The following ADA2 variants were observed in gnomAD, a reference collection of about 807,000 sequenced individuals.
ADA2 encodes the protein adenosine deaminase 2.
In ADA2, 29 loss-of-function variants were observed where a neutral mutation model predicts 44.2. The observed-to-expected ratio is 0.66, with a 90% CI of 0.49 to 0.89. The LOEUF (loss-of-function observed/expected upper bound fraction) is 0.89, where lower values mean the gene tolerates loss of function less well. Among genes scored for constraint, ADA2 ranks in the 40% least tolerant of loss-of-function variants. The pLI is 0.00. For missense variants in ADA2, 637 were observed against 644.8 expected, an observed-to-expected ratio of 0.99 and a Z score of 0.13; for synonymous variants, 215 against 234.9, an observed-to-expected ratio of 0.92 and a Z score of 0.77.
At chr22:17,188,484 G>A (rs781617794) in intron 6 of ADA2, 37 bp from the exon 7 acceptor site, 18 of 1,456,876 alleles carry the variant, frequency 1.2e-5, no homozygotes, top group South Asian at 6.8e-5. Context: ...TGTCTGCAGG[G>A]CGCATGCCTC....
At chr22:17,212,871 G>A (rs1008275762) in intron 1 of ADA2, among the ~76,000 whole-genome samples, 2 of 150,894 alleles carry the variant, frequency 1.3e-5, no homozygotes, top group Non-Finnish European at 1.5e-5. Flanking sequence ...TCCAAAGCTC[G>A]CTGCAGCGGC....
intron 3 of ADA2, among the ~76,000 whole-genome samples, chr22:17,205,489 A>T (rs2062344276): frequency 6.6e-6 from 1 of 152,144 alleles, no homozygotes; most frequent in East Asian, 1.9e-4. Flanking sequence ...AGGTTAATGA[A>T]GGGAGTGGAA....
intron 7 of ADA2, among the ~76,000 whole-genome samples, chr22:17,184,983 A>ATATATATATATAT (rs559045610): frequency 5.1e-5 from 4 of 78,740 alleles, no homozygotes; most frequent in African/African-American, 1.1e-4. Context: ...CCCATGTCAA[A>ATATATATATATAT]ATATATATAT....
At chr22:17,191,531 G>A in intron 5 of ADA2, 152 bp downstream of exon 5, 1 of 820,730 alleles carries the variant, frequency 1.2e-6, no homozygotes, top group East Asian at 2.5e-5. Flanking sequence ...CTAGGACTGT[G>A]CTCTCACACA....
At position 17,218,843 on chromosome 22, in the gene ADA2, A is replaced by G. The variant is rs1486266091; in HGVS notation, c.-47+513T>C. 3.3e-5 allele frequency among the ~76,000 whole-genome samples: 5 copies of G among 152,326 alleles called. No individual in the cohort carries two copies. The South Asian group carries it at 8.3e-4, about 25-fold the overall frequency. ...AAAAGAGGATGCATGAAAACTTCAT[A>G]AAGTAGTTTGCTTCCAGACTAAGAA... On this transcript the variant is annotated intron_variant, in intron 1 of 9. Coordinates refer to ENST00000399837, the MANE Select transcript of ADA2 (RefSeq NM_001282225.2).
At chr22:17,213,740 C>T in intron 1 of ADA2, 1 of 247,282 alleles carries the variant, frequency 4.0e-6, no homozygotes, top group Non-Finnish European at 8.1e-6. Flanking sequence ...GGAAAGGATC[C>T]TCAAGAAAGC....
intron 2 of ADA2, among the ~76,000 whole-genome samples, chr22:17,208,290 G>T (rs1198260371): frequency 1.3e-5 from 2 of 151,710 alleles, no homozygotes; most frequent in Non-Finnish European, 2.9e-5. Context: ...CAGGCATGGT[G>T]GCATGTGCCT....
intron 4 of ADA2, chr22:17,199,436 C>CCTCTTCCCCTTCCTCCCCTCCTCTATT: frequency 1.0e-6 from 1 of 1,000,784 alleles, no homozygotes; most frequent in South Asian, 1.3e-5. Context: ...CCTCCTCTAT[C>CCTCTTCCCCTTCCTCCCCTCCTCTATT]CTCTTCCCCT....
chr22:17,182,542 A>G, intron 8 of ADA2, 62 bp downstream of exon 8: 2 of 1,540,786 alleles, frequency 1.3e-6, no homozygotes, highest in Admixed American at 3.4e-5. Flanking sequence ...CAAAAAGTTT[A>G]AGAGAGCAGA....
At chr22:17,218,107 G>T (rs2062490131) in intron 1 of ADA2, among the ~76,000 whole-genome samples, 1 of 152,100 alleles carries the variant, frequency 6.6e-6, no homozygotes, top group South Asian at 2.1e-4. Context: ...ATGGATAGGG[G>T]TTATGTTGAC....
intron 1 of ADA2, among the ~76,000 whole-genome samples, chr22:17,216,549 A>G (rs1414960836): frequency 1.3e-5 from 2 of 151,890 alleles, no homozygotes; most frequent in African/African-American, 4.8e-5. Flanking sequence ...GGTGGATCAC[A>G]AGGTCAGGAG....
Position 17,187,970 on chromosome 22 carries a change from G to A in ADA2, c.1081+369C>T, listed in dbSNP as rs563988454. On this transcript the variant is annotated intron_variant, in intron 7 of 9. Transcript: ENST00000399837. ...ATACAAAAAATTAGCCAGGCGTGGT[G>A]GCAGGTGCCTGTAGTACCAGCTACT... 3.3e-5 allele frequency among the ~76,000 whole-genome samples: 5 copies of A among 149,786 alleles called. No individual in the cohort carries two copies. The East Asian group carries it at 5.8e-4, about 18-fold the overall frequency.
intron 7 of ADA2, among the ~76,000 whole-genome samples, chr22:17,182,989 AATTT>A (rs1391808668): frequency 2.0e-5 from 3 of 152,352 alleles, no homozygotes; most frequent in African/African-American, 7.2e-5. Context: ...CTAATTTATT[AATTT>A]ATCATTCTAA....
chr22:17,192,550 G>A lies in ADA2; in HGVS notation c.754-740C>T, dbSNP rs550405111. 6.6e-5 allele frequency among the ~76,000 whole-genome samples: 10 copies of A among 152,218 alleles called. No homozygotes were observed. The East Asian group carries it at 1.9e-3, about 29-fold the overall frequency. ...GCTAAGGGAAGGGAGGTGTGTAATG[G>A]GGAAAGGTGGCTCACACCTGTAATC... On this transcript the variant is annotated intron_variant, in intron 4 of 9. Coordinates refer to ENST00000399837, the MANE Select transcript of ADA2 (RefSeq NM_001282225.2).
intron 7 of ADA2, among the ~76,000 whole-genome samples, chr22:17,186,906 C>A (rs560585474): frequency 1.3e-5 from 2 of 151,604 alleles, no homozygotes; most frequent in South Asian, 2.1e-4. Context: ...GTGGCTCACA[C>A]CTGTAATCCC....
intron 1 of ADA2, among the ~76,000 whole-genome samples, chr22:17,211,241 C>G (rs979767475): frequency 6.6e-6 from 1 of 151,876 alleles, no homozygotes; most frequent in African/African-American, 2.4e-5. Context: ...TGCCTGTAGT[C>G]CCAGCTGTTT....
chr22:17,215,847 A>T (rs1205107948), intron 1 of ADA2, among the ~76,000 whole-genome samples: 1 of 151,788 alleles, frequency 6.6e-6, no homozygotes, highest in Non-Finnish European at 1.5e-5. Flanking sequence ...GTACAAATAG[A>T]CAAGCACTTC....
chr22:17,185,519 C>T (rs1405877791), intron 7 of ADA2, among the ~76,000 whole-genome samples: 1 of 152,114 alleles, frequency 6.6e-6, no homozygotes, highest in Admixed American at 6.6e-5. Flanking sequence ...CTCCAAGGAC[C>T]ATACATCTTG....
At chr22:17,200,090 G>T (rs959136331) in intron 4 of ADA2, among the ~76,000 whole-genome samples, 1 of 152,116 alleles carries the variant, frequency 6.6e-6, no homozygotes, top group African/African-American at 2.4e-5. Context: ...AGCTACTCGG[G>T]AGGCTGAGGC....
Sources: allele counts gnomAD v4.1 joint callset (sites outside exome capture counted in the v4.1 genomes callset), GRCh38; gene constraint gnomAD v4.1.1; transcripts MANE v1.5; gene names NCBI Gene and HGNC (gene_info 2026-07-23, HGNC 2026-07-21).